CLNK: variants seen among roughly 807,000 people sequenced by gnomAD.
CLNK encodes cytokine-dependent hematopoietic cell linker.
In CLNK, 74 loss-of-function variants were observed where a neutral mutation model predicts 68.6. The ratio of observed to expected loss-of-function variants is 1.08; its 90% confidence interval spans 0.89 to 1.31. The LOEUF (loss-of-function observed/expected upper bound fraction) is 1.31. Among genes scored for constraint, CLNK ranks in the 50% most tolerant of loss-of-function variants. The pLI is 0.00. For missense variants in CLNK, 553 were observed against 515.3 expected, an observed-to-expected ratio of 1.07 and a Z score of -0.71; for synonymous variants, 198 against 172.2, an observed-to-expected ratio of 1.15 and a Z score of -1.17.
At chr4:10,534,158 C>G (rs1207797835) in intron 11 of CLNK, among the ~76,000 whole-genome samples, 1 of 152,114 alleles carries the variant, frequency 6.6e-6, no homozygotes, top group Admixed American at 6.5e-5. Context: ...GAGCAGTGCA[C>G]TTTATAGATG....
At chr4:10,556,293 G>A (rs1218914500) in intron 8 of CLNK, among the ~76,000 whole-genome samples, 2 of 152,164 alleles carry the variant, frequency 1.3e-5, no homozygotes, top group Non-Finnish European at 2.9e-5. Context: ...GTAGCTCAGA[G>A]GCAAAATAAC....
At chr4:10,719,934 A>T in the CLNK span, among the ~76,000 whole-genome samples, 1 of 152,176 alleles carries the variant, frequency 6.6e-6, no homozygotes, top group Admixed American at 6.5e-5. Flanking sequence ...TTTCAAACTA[A>T]GCTACAATTC....
chr4:10,608,435 T>G (rs1721869496), intron 2 of CLNK, among the ~76,000 whole-genome samples: 1 of 152,192 alleles, frequency 6.6e-6, no homozygotes, highest in Non-Finnish European at 1.5e-5. Context: ...CCAATAATCT[T>G]TCCCAAATGT....
At chr4:10,499,662 A>C (rs925328335) in intron 18 of CLNK, among the ~76,000 whole-genome samples, 3 of 152,230 alleles carry the variant, frequency 2.0e-5, no homozygotes, top group Non-Finnish European at 4.4e-5. Context: ...TGTCAAGGCT[A>C]CCGTAACTAA....
At chr4:10,613,002 A>G (rs991599450) in intron 2 of CLNK, among the ~76,000 whole-genome samples, 6 of 152,222 alleles carry the variant, frequency 3.9e-5, no homozygotes, top group African/African-American at 1.4e-4. Flanking sequence ...ATTCAACAAC[A>G]CATTTATTTT....
chr4:10,619,610 A>G (rs1021839999), intron 2 of CLNK, among the ~76,000 whole-genome samples: 6 of 152,188 alleles, frequency 3.9e-5, no homozygotes, highest in African/African-American at 1.4e-4. Flanking sequence ...GGAAAAAGAA[A>G]AAAAAGGAAA....
the CLNK span, among the ~76,000 whole-genome samples, chr4:10,728,037 CT>C: frequency 0.028 from 4,223 of 152,188 alleles, 199 homozygotes; most frequent in African/African-American, 0.097. Context: ...AATATTTTGC[CT>C]CCTAGAGGGT....
chr4:10,653,796 G>A (rs539413777), intron 2 of CLNK, among the ~76,000 whole-genome samples: 4 of 152,124 alleles, frequency 2.6e-5, no homozygotes, highest in Non-Finnish European at 5.9e-5. Flanking sequence ...GACACCAACA[G>A]ACCAAGTAAG....
chr4:10,599,707 C>T (rs1393032415), intron 2 of CLNK, among the ~76,000 whole-genome samples: 1 of 152,146 alleles, frequency 6.6e-6, no homozygotes, highest in African/African-American at 2.4e-5. Flanking sequence ...CTTCCCACCC[C>T]TCCCCCTCTA....
intron 2 of CLNK, among the ~76,000 whole-genome samples, chr4:10,601,233 G>T (rs1161248131): frequency 6.6e-6 from 1 of 152,162 alleles, no homozygotes; most frequent in Non-Finnish European, 1.5e-5. Context: ...ATGTGTGTCA[G>T]CTATGTTGCA....
intron 11 of CLNK, 139 bp from the exon 12 acceptor site, chr4:10,532,422 T>G (rs1448965224): frequency 3.0e-6 from 2 of 674,584 alleles, no homozygotes; most frequent in Non-Finnish European, 5.1e-6. Context: ...TATTTATCAC[T>G]CTTCCATAAA....
chr4:10,692,262 G>A, the CLNK span, among the ~76,000 whole-genome samples: 3 of 152,202 alleles, frequency 2.0e-5, no homozygotes, highest in South Asian at 2.1e-4. Context: ...GTTCCAAGTC[G>A]TGCCTGGATC....
chr4:10,725,950 A>C, the CLNK span, among the ~76,000 whole-genome samples: 639 of 152,344 alleles, frequency 4.2e-3, 7 homozygotes, highest in African/African-American at 0.014. Context: ...GTATCAAAGC[A>C]GCACAAACAG....
the CLNK span, among the ~76,000 whole-genome samples, chr4:10,691,376 C>A: frequency 1.3e-5 from 2 of 152,120 alleles, no homozygotes; most frequent in Non-Finnish European, 2.9e-5. Context: ...ATAGTCTAAT[C>A]CTCACATTTT....
intron 1 of CLNK, among the ~76,000 whole-genome samples, chr4:10,682,397 G>A (rs1031262132): frequency 1.5e-4 from 23 of 152,188 alleles, no homozygotes; most frequent in Admixed American, 6.5e-5. Flanking sequence ...GCTTATGACA[G>A]TGGATATAAC....
At chr4:10,660,852 A>G (rs1724167909) in intron 2 of CLNK, among the ~76,000 whole-genome samples, 1 of 152,156 alleles carries the variant, frequency 6.6e-6, no homozygotes, top group South Asian at 2.1e-4. Context: ...GGCAAACTCT[A>G]TCTCTGGATT....
rs144670006 is a variant in CLNK at position 10,614,613 on chromosome 4, C to T, written c.12-16564G>A. On this transcript the variant is annotated intron_variant, in intron 2 of 18. Coordinates refer to ENST00000226951, the MANE Select transcript of CLNK (RefSeq NM_052964.4). ...GTTAGGCAGGCAGAATCCCAGACAC[C>T]ACCCCAGCCCCACTGAACCGAAATC... Among the ~76,000 whole-genome samples, 12 of 152,294 alleles carry T rather than the reference C, an allele frequency of 7.9e-5. No individual in the cohort carries two copies. The East Asian group carries it at 2.3e-3, about 29-fold the overall frequency.
intron 7 of CLNK, 48 bp downstream of exon 7, chr4:10,564,623 G>C (rs746924280): frequency 1.4e-5 from 18 of 1,327,532 alleles, no homozygotes; most frequent in Non-Finnish European, 1.8e-5. Flanking sequence ...TAGCTGGTTA[G>C]GAAGAGCCCT....
rs755910013 is a variant in CLNK at position 10,598,048 on chromosome 4, C to A, written c.13G>T (p.Gly5Cys). 31 of 1,571,396 alleles carry A rather than the reference C, an allele frequency of 2.0e-5. No homozygotes were observed. Among genetic ancestry groups the A allele is most frequent in the Admixed American group, 5.5e-5 (3 of 54,568 alleles). Residue 5 changes from glycine (G) to cysteine (C), a missense_variant and splice_region_variant, in exon 3 of 19, where the codon GGC becomes TGC. By Grantham distance (159) the Gly-to-Cys change is radical (BLOSUM62 -3). Coordinates refer to ENST00000226951, the MANE Select transcript of CLNK (RefSeq NM_052964.4). MNRQ[G>C]NRKTTKEGSN... ...CCTTCTTTAGTTGTCTTTCTATTGC[C>A]CCTGGGATGAAAGAAAATAAATTAT...
Sources: gnomAD v4.1 joint callset for allele counts (sites outside exome capture counted in the v4.1 genomes callset) on GRCh38, gnomAD v4.1.1 for gene constraint, MANE v1.5 for transcripts, NCBI Gene and HGNC (gene_info 2026-07-23, HGNC 2026-07-21) for gene names.